The following COL12A1 variants were observed in gnomAD, a reference collection of about 807,000 sequenced individuals.
COL12A1 encodes the protein collagen type XII alpha 1 chain.
COL12A1 carries 114 observed loss-of-function variants against 349.7 expected under a neutral mutation model. The observed-to-expected ratio is 0.33, with a 90% CI of 0.28 to 0.38. The LOEUF (loss-of-function observed/expected upper bound fraction) is 0.38, where lower values mean the gene tolerates loss of function less well. COL12A1 is among the 10% of genes least tolerant of loss of function. The pLI is 1.00. For synonymous variants in COL12A1, 1,369 were observed against 1,329.0 expected, an observed-to-expected ratio of 1.03 and a Z score of -0.66; for missense variants, 3,284 against 3,756.9, an observed-to-expected ratio of 0.87 and a Z score of 3.29.
At chr6:75,193,800 C>T (rs1384772051) in intron 3 of COL12A1, among the ~76,000 whole-genome samples, 1 of 149,568 alleles carries the variant, frequency 6.7e-6, no homozygotes, top group Non-Finnish European at 1.5e-5. Context: ...TTGTTCAATT[C>T]CCACCTATGA....
chr6:75,123,937 C>G lies in COL12A1; in HGVS notation c.6871+11G>C. The G allele has an allele frequency of 1.3e-6, 2 of 1,597,630 alleles. No individual in the cohort carries two copies. Among genetic ancestry groups the G allele is most frequent in the Non-Finnish European group, 1.7e-6 (2 of 1,168,924 alleles). On this transcript the variant is annotated intron_variant, in intron 42 of 65. Transcript: ENST00000322507. ...CCTTATGAAAGCTTTCCAGATTCCT[C>G]AAAAACTTACTGGTATGTTCTTTAA...
At chr6:75,165,132 T>C (rs981513194) in intron 14 of COL12A1, among the ~76,000 whole-genome samples, 8 of 152,190 alleles carry the variant, frequency 5.3e-5, no homozygotes, top group African/African-American at 1.9e-4. Flanking sequence ...TTCTACAGAT[T>C]AGGAAACTGA....
intron 11 of COL12A1, 35 bp downstream of exon 11, chr6:75,180,904 T>C (rs570829710): frequency 1.9e-6 from 3 of 1,588,898 alleles, no homozygotes; most frequent in African/African-American, 2.7e-5. Flanking sequence ...AAATTATTCA[T>C]TTTCTGAATA....
chr6:75,182,284 A>G (rs1769357255), intron 10 of COL12A1, among the ~76,000 whole-genome samples: 1 of 151,652 alleles, frequency 6.6e-6, no homozygotes, highest in Admixed American at 6.6e-5. Context: ...ATAGGTGTAC[A>G]TGTGCCATGG....
In COL12A1 at chr6:75,128,416, G is replaced by T; in HGVS notation, c.6220C>A (p.Pro2074Thr). Residue 2074 changes from proline to threonine, a missense_variant, in exon 38 of 66, where the codon CCA (proline) becomes ACA (threonine). Transcript: ENST00000322507. Reference protein sequence around the residue: ...GDPIDEYTTVPGRRNNVILQP... With the variant: ...GDPIDEYTTVTGRRNNVILQP... ...AGTATTACATTGTTTCTTCTGCCTGGGACTGTGGTCTATAGAGGAAGTTAA... is the reference window on the plus strand; with the variant it reads ...AGTATTACATTGTTTCTTCTGCCTGTGACTGTGGTCTATAGAGGAAGTTAA... The T allele has an allele frequency of 6.3e-7, 1 of 1,595,046 alleles. No individual in the cohort carries two copies. Among genetic ancestry groups the T allele is most frequent in the Non-Finnish European group, 8.5e-7 (1 of 1,172,018 alleles).
Position 75,183,046 on chromosome 6 carries a change from T to C in COL12A1, c.1891+4A>G, listed in dbSNP as rs148292262. On this transcript the variant is annotated splice_donor_region_variant and intron_variant, in intron 10 of 65. Transcript: ENST00000322507. ...AATAACTTTTACTCTCAAAGTCTAC[T>C]AACCTTTCTTCTTTATAGCTGCCAA... is the stretch of plus-strand genomic sequence containing the variant. The C allele has an allele frequency of 9.4e-5, 149 of 1,589,572 alleles. 1 individual carries two copies. The East Asian group carries it at 3.0e-3, about 32-fold the overall frequency.
intron 30 of COL12A1, 51 bp from the exon 31 acceptor site, chr6:75,137,630 C>T: frequency 6.3e-7 from 1 of 1,599,942 alleles, no homozygotes; most frequent in Non-Finnish European, 8.5e-7. Context: ...CAATGCCTCC[C>T]CCTAAAATAT....
intron 11 of COL12A1, 138 bp downstream of exon 11, chr6:75,180,801 C>T: frequency 1.0e-6 from 1 of 1,001,412 alleles, no homozygotes; most frequent in Non-Finnish European, 1.4e-6. Flanking sequence ...TTATGAAAAG[C>T]TGTCTTTTAA....
Position 75,126,365 on chromosome 6 carries a change from A to G in COL12A1, c.6446T>C (p.Val2149Ala). 1.2e-6 allele frequency: 2 copies of G among 1,610,192 alleles called. No individual in the cohort carries two copies. Among genetic ancestry groups the G allele is most frequent in the Non-Finnish European group, 1.7e-6 (2 of 1,177,062 alleles). ...SPSPVLGYKI[V>A]YKPVGSNEPM... ...CACTTCCTTACCCACTGGCTTATAT[A>G]CTATTTTATATCCAAGAACTGGAGA... is the stretch of plus-strand genomic sequence containing the variant. The change falls in exon 39 of 66, where the codon GTA (valine) becomes GCA (alanine). Residue 2149 changes from valine (V) to alanine (A), a missense_variant. Physicochemically the swap from Val to Ala is moderately conservative, Grantham distance 64 (BLOSUM62 0). Around this residue, in one of 2 missense-constraint regions of COL12A1, gnomAD observed 2,601 missense variants for 2,824.8 expected, o/e 0.92. Coordinates refer to ENST00000322507, the MANE Select transcript of COL12A1 (RefSeq NM_004370.6).
Position 75,134,869 on chromosome 6 carries a change from G to T in COL12A1, c.5395-14C>A, listed in dbSNP as rs781463753. The T allele has an allele frequency of 6.2e-7, 1 of 1,606,662 alleles. No individual in the cohort carries two copies. Among genetic ancestry groups the T allele is most frequent in the South Asian group, 1.1e-5 (1 of 89,888 alleles). ...TCCTATTGTGGTCTTGAGTAAAAAG[G>T]GTCTTGGTAAGTGTCAGCCTTGCTC... On this transcript the variant is annotated splice_polypyrimidine_tract_variant and intron_variant, in intron 31 of 65. Transcript: ENST00000322507.
At chr6:75,134,334 C>A (rs1295169246) in intron 32 of COL12A1, among the ~76,000 whole-genome samples, 26 of 152,016 alleles carry the variant, frequency 1.7e-4, no homozygotes, top group Admixed American at 1.7e-3. Flanking sequence ...TTTTGGGAGC[C>A]CAAGGCAGGT....
intron 21 of COL12A1, among the ~76,000 whole-genome samples, chr6:75,149,726 T>C (rs571878857): frequency 2.6e-5 from 4 of 152,270 alleles, no homozygotes; most frequent in African/African-American, 4.8e-5. Context: ...CTTTCCATTC[T>C]TAGTATCTTA....
At chr6:75,194,060 C>T (rs1770094866) in intron 3 of COL12A1, among the ~76,000 whole-genome samples, 1 of 152,082 alleles carries the variant, frequency 6.6e-6, no homozygotes, top group Admixed American at 6.6e-5. Flanking sequence ...GTCTTTATAG[C>T]AGCATGATTT....
intron 60 of COL12A1, among the ~76,000 whole-genome samples, chr6:75,092,791 T>C (rs9443154): frequency 0.09 from 13,604 of 151,390 alleles, 1,275 homozygotes; most frequent in African/African-American, 0.24. Context: ...CCCATTCCCA[T>C]CAGATTTAGA....
chr6:75,136,451 A>G (rs1289123364), intron 31 of COL12A1, among the ~76,000 whole-genome samples: 4 of 152,198 alleles, frequency 2.6e-5, no homozygotes, highest in Non-Finnish European at 5.9e-5. Context: ...AAGCTTACTT[A>G]CTGGGTAGTA....
chr6:75,203,628 C>T (rs1770635618), intron 1 of COL12A1, among the ~76,000 whole-genome samples: 2 of 152,120 alleles, frequency 1.3e-5, no homozygotes, highest in South Asian at 4.1e-4. Flanking sequence ...ATGTTCTGTT[C>T]CGATTTTTTC....
chr6:75,130,931 C>T lies in COL12A1; in HGVS notation c.5988G>A (p.Pro1996=), dbSNP rs767451558. The T allele has an allele frequency of 8.7e-6, 14 of 1,613,982 alleles. No homozygotes were observed. The highest frequency in any genetic ancestry group is 6.7e-5 in the East Asian group (3 of 44,884). Residue 1996 remains proline, a synonymous_variant, in exon 36 of 66, where the codon CCG becomes CCA. Transcript: ENST00000322507. Reference sequence around the variant, plus strand: ...CAAGGTTCACGGAATAGAGTGTGTCCGGAATCAGCCGCTCCAGATGCACCA... The same window carrying T: ...CAAGGTTCACGGAATAGAGTGTGTCTGGAATCAGCCGCTCCAGATGCACCA... ...TRMVHLERLI[P]DTLYSVNLVA...
At chr6:75,202,668 C>G in intron 2 of COL12A1, 52 bp downstream of exon 2, 1 of 1,500,556 alleles carries the variant, frequency 6.7e-7, no homozygotes. Context: ...TGTGTTTTTT[C>G]CTTTCTCGAA....
intron 31 of COL12A1, among the ~76,000 whole-genome samples, chr6:75,135,240 C>T (rs1031021838): frequency 6.6e-6 from 1 of 152,136 alleles, no homozygotes; most frequent in African/African-American, 2.4e-5. Flanking sequence ...AGGCTCCACA[C>T]CACTTAATAT....
Sources: allele counts gnomAD v4.1 joint callset (sites outside exome capture counted in the v4.1 genomes callset), GRCh38; gene constraint gnomAD v4.1.1; regional missense constraint gnomAD v4.1.1; transcripts MANE v1.5; gene names NCBI Gene and HGNC (gene_info 2026-07-23, HGNC 2026-07-21).